Variants in SLC24A3 observed in about 807,000 individuals in gnomAD.
The protein encoded by SLC24A3 is sodium/potassium/calcium exchanger 3.
Under a neutral mutation model 75.8 loss-of-function variants are expected in SLC24A3, and 28 were observed. The observed-to-expected ratio is 0.37, with a 90% CI of 0.27 to 0.51. The LOEUF (loss-of-function observed/expected upper bound fraction) is 0.51. SLC24A3 is among the 20% of genes least tolerant of loss of function. SLC24A3 has a pLI of 0.94. For synonymous variants in SLC24A3, 372 were observed against 334.1 expected (o/e 1.11, Z -1.24); for missense variants, 663 against 847.8 (o/e 0.78, Z 2.71).
intron 6 of SLC24A3, among the ~76,000 whole-genome samples, chr20:19,620,128 T>A (rs1242393388): frequency 6.6e-6 from 1 of 152,196 alleles, no homozygotes; most frequent in Non-Finnish European, 1.5e-5. Flanking sequence ...TCAGTCTATC[T>A]AGCCTGAGGG....
chr20:19,580,093 T>C lies in SLC24A3; in HGVS notation c.423+19T>C. On this transcript the variant is annotated intron_variant, in intron 4 of 16. Transcript: ENST00000328041. Reference sequence around the variant, plus strand: ...CTGTGAGGTACGTGCCTCACATTCTTGGTATGTGTGAGCCAGACTGGGGAC... The same window carrying C: ...CTGTGAGGTACGTGCCTCACATTCTCGGTATGTGTGAGCCAGACTGGGGAC... The C allele has an allele frequency of 1.9e-6, 3 of 1,607,394 alleles. No individual in the cohort carries two copies. Among genetic ancestry groups the C allele is most frequent in the Non-Finnish European group, 2.6e-6 (3 of 1,174,018 alleles).
chr20:19,297,352 G>T (rs1392562393), intron 2 of SLC24A3, among the ~76,000 whole-genome samples: 1 of 152,046 alleles, frequency 6.6e-6, no homozygotes, highest in African/African-American at 2.4e-5. Context: ...GTAAACCTTT[G>T]CCCCCTGCCT....
intron 2 of SLC24A3, among the ~76,000 whole-genome samples, chr20:19,473,014 T>G (rs2122508987): frequency 6.6e-6 from 1 of 152,268 alleles, no homozygotes; most frequent in Middle Eastern, 3.4e-3. Context: ...TAGCTGGGGT[T>G]CGGGGGCCAC....
intron 2 of SLC24A3, among the ~76,000 whole-genome samples, chr20:19,328,469 CAG>C (rs1984921219): frequency 6.6e-6 from 1 of 152,172 alleles, no homozygotes; most frequent in Middle Eastern, 3.2e-3. Flanking sequence ...AGAGCAGTAA[CAG>C]GGGCAGGGTG....
chr20:19,393,196 C>T (rs1026697203), intron 2 of SLC24A3, among the ~76,000 whole-genome samples: 1 of 152,066 alleles, frequency 6.6e-6, no homozygotes, highest in African/African-American at 2.4e-5. Flanking sequence ...ATACCCATAG[C>T]CTGACATCAT....
chr20:19,720,936 C>G, intron 16 of SLC24A3, 55 bp from the exon 17 acceptor site: 1 of 1,602,094 alleles, frequency 6.2e-7, no homozygotes, highest in Admixed American at 1.7e-5. Flanking sequence ...CTACCAACCC[C>G]CCAAAGGCTG....
At chr20:19,679,169 T>G (rs1405164718) in intron 9 of SLC24A3, among the ~76,000 whole-genome samples, 1 of 151,678 alleles carries the variant, frequency 6.6e-6, no homozygotes, top group Non-Finnish European at 1.5e-5. Flanking sequence ...AGGTGGAGGT[T>G]GTAGCAAGCC....
At chr20:19,678,464 G>C (rs988021386) in intron 9 of SLC24A3, among the ~76,000 whole-genome samples, 1 of 135,278 alleles carries the variant, frequency 7.4e-6, no homozygotes, top group Non-Finnish European at 1.6e-5. Context: ...CGGGCGGGGG[G>C]CTGACCCCCC....
Position 19,344,423 on chromosome 20 carries a change from C to G in SLC24A3, c.271+63336C>G, listed in dbSNP as rs116464817. Among the ~76,000 whole-genome samples the G allele has an allele frequency of 9.8e-3, 1,492 of 152,104 alleles. 20 individuals are homozygous for G. The highest frequency in any genetic ancestry group is 0.034 in the African/African-American group (1,420 of 41,472). Reference sequence around the variant, plus strand: ...ATGGCTTGGTCTTGGGTTGGGGTTCCCAAAGAAAAGACTCTGAGACTAGCA... The same window carrying G: ...ATGGCTTGGTCTTGGGTTGGGGTTCGCAAAGAAAAGACTCTGAGACTAGCA... On this transcript the variant is annotated intron_variant, in intron 2 of 16. Transcript: ENST00000328041.
At chr20:19,566,706 G>T (rs762364871) in intron 3 of SLC24A3, among the ~76,000 whole-genome samples, 30 of 152,226 alleles carry the variant, frequency 2.0e-4, no homozygotes, top group Non-Finnish European at 1.6e-4. Flanking sequence ...AACCAGGAAG[G>T]TATCTTCCTC....
At chr20:19,266,337 C>T (rs367556517) in intron 1 of SLC24A3, among the ~76,000 whole-genome samples, 14 of 152,252 alleles carry the variant, frequency 9.2e-5, no homozygotes, top group Admixed American at 5.2e-4. Context: ...TAGAGAGTCC[C>T]GATACTTGGT....
At chr20:19,684,951 C>A in intron 11 of SLC24A3, 149 bp from the exon 12 acceptor site, 1 of 903,426 alleles carries the variant, frequency 1.1e-6, no homozygotes, top group Non-Finnish European at 1.6e-6. Context: ...AGTTGGTTAT[C>A]ACATTGAGAG....
At chr20:19,547,393 T>C (rs971011541) in intron 3 of SLC24A3, among the ~76,000 whole-genome samples, 2 of 152,214 alleles carry the variant, frequency 1.3e-5, no homozygotes, top group African/African-American at 2.4e-5. Context: ...GAGTAAGGAC[T>C]GGCTGCAAAT....
intron 2 of SLC24A3, among the ~76,000 whole-genome samples, chr20:19,506,240 T>C (rs192192308): frequency 1.1e-4 from 17 of 152,278 alleles, no homozygotes; most frequent in Admixed American, 8.5e-4. Context: ...CTGATCCAAG[T>C]TTTCTTAGCA....
chr20:19,214,051 T>G (rs1981483871), intron 1 of SLC24A3, among the ~76,000 whole-genome samples: 1 of 152,204 alleles, frequency 6.6e-6, no homozygotes, highest in Non-Finnish European at 1.5e-5. Context: ...AAAGACATTT[T>G]GATAGTCACC....
chr20:19,673,592 T>A lies in SLC24A3; in HGVS notation c.714-9T>A, dbSNP rs768713102. The A allele has an allele frequency of 1.9e-6, 3 of 1,613,734 alleles. No individual in the cohort carries two copies. In the South Asian group the frequency reaches 3.3e-5, roughly 18 times the overall value. ...TGACTGTCTTTAACTGTTCTTGGTT[T>A]ACACACAGGTGGGAGTCTTTAGTCC... On this transcript the variant is annotated splice_polypyrimidine_tract_variant and intron_variant, in intron 8 of 16. Coordinates refer to ENST00000328041, the MANE Select transcript of SLC24A3 (RefSeq NM_020689.4).
chr20:19,262,329 C>T (rs1312911434), intron 1 of SLC24A3, among the ~76,000 whole-genome samples: 15 of 146,860 alleles, frequency 1.0e-4, no homozygotes, highest in South Asian at 2.2e-4. Flanking sequence ...GGCGTGAACC[C>T]GGGAGGCGGA....
At chr20:19,356,699 G>A (rs1161560382) in intron 2 of SLC24A3, among the ~76,000 whole-genome samples, 3 of 152,060 alleles carry the variant, frequency 2.0e-5, no homozygotes, top group African/African-American at 2.4e-5. Context: ...GGAATGGCTG[G>A]GGAATAAGGT....
chr20:19,589,281 G>A (rs563686891), intron 6 of SLC24A3, among the ~76,000 whole-genome samples: 158 of 152,380 alleles, frequency 1.0e-3, no homozygotes, highest in African/African-American at 3.7e-3. Flanking sequence ...TGGGAACTGG[G>A]AGACAGTTTA....
Sources: allele counts gnomAD v4.1 joint callset (sites outside exome capture counted in the v4.1 genomes callset), GRCh38; gene constraint gnomAD v4.1.1; transcripts MANE v1.5; gene names NCBI Gene and HGNC (gene_info 2026-07-23, HGNC 2026-07-21).